ANK2: variants seen among roughly 807,000 people sequenced by gnomAD.
ANK2 encodes the protein ankyrin 2, also known as ankyrin-2.
A neutral mutation model predicts 360.5 loss-of-function variants in ANK2; 83 were observed. The ratio of observed to expected loss-of-function variants is 0.23; its 90% CI spans 0.19 to 0.28. The LOEUF (loss-of-function observed/expected upper bound fraction) is 0.28. Ranked by LOEUF, ANK2 falls within the 10% of genes least tolerant of loss-of-function variation. ANK2 has a pLI of 1.00. For synonymous variants in ANK2, 1,740 were observed against 1,759.5 expected (o/e 0.99, Z 0.28); for missense variants, 4,201 against 4,795.7 (o/e 0.88, Z 3.66).
intron 1 of ANK2, among the ~76,000 whole-genome samples, chr4:112,850,504 CTTTTTTTTTTTTT>C (rs60510554): frequency 1.0e-3 from 6 of 5,820 alleles, no homozygotes; most frequent in Non-Finnish European, 1.8e-3. Flanking sequence ...CTGTGCTAGT[CTTTTTTTTTTTTT>C]TTTTTTTTTT....
At chr4:112,874,458 T>A (rs1364899682) in intron 1 of ANK2, among the ~76,000 whole-genome samples, 1 of 150,302 alleles carries the variant, frequency 6.7e-6, no homozygotes, top group African/African-American at 2.4e-5. Context: ...CTGACCAACA[T>A]GGTGAAACCC....
chr4:112,878,691 T>C (rs1330693743), intron 1 of ANK2, among the ~76,000 whole-genome samples: 3 of 152,034 alleles, frequency 2.0e-5, no homozygotes, highest in Non-Finnish European at 4.4e-5. Flanking sequence ...TGGAGTGCAG[T>C]GGCGCGATCT....
intron 1 of ANK2, among the ~76,000 whole-genome samples, chr4:113,130,150 T>C (rs2095921706): frequency 6.6e-6 from 1 of 152,188 alleles, no homozygotes; most frequent in African/African-American, 2.4e-5. Context: ...ACTAACTTTG[T>C]CTTTTATTTA....
intron 2 of ANK2, among the ~76,000 whole-genome samples, chr4:112,977,239 T>C (rs903812693): frequency 8.5e-5 from 13 of 152,222 alleles, no homozygotes; most frequent in African/African-American, 3.1e-4. Context: ...GTTTTCTGTG[T>C]GGAAAAAATT....
At chr4:113,198,867 C>T (rs762111124) in intron 3 of ANK2, 144 bp from the exon 4 acceptor site, 10 of 665,088 alleles carry the variant, frequency 1.5e-5, no homozygotes, top group Non-Finnish European at 2.3e-5. Flanking sequence ...AAAAAATAAT[C>T]TCTTCGTAAG....
intron 1 of ANK2, among the ~76,000 whole-genome samples, chr4:112,840,409 G>A (rs1307463999): frequency 6.6e-6 from 1 of 152,134 alleles, no homozygotes; most frequent in Non-Finnish European, 1.5e-5. Context: ...CTCTGGAGGT[G>A]GCAGGCTGAA....
At chr4:112,840,386 G>A (rs2061839922) in intron 1 of ANK2, among the ~76,000 whole-genome samples, 1 of 152,156 alleles carries the variant, frequency 6.6e-6, no homozygotes, top group South Asian at 2.1e-4. Context: ...CAATTTGCCT[G>A]GCTTGAAGGT....
At chr4:112,877,900 C>T (rs535759504) in intron 1 of ANK2, among the ~76,000 whole-genome samples, 2 of 152,278 alleles carry the variant, frequency 1.3e-5, no homozygotes, top group East Asian at 1.9e-4. Context: ...TTTGCATTAA[C>T]CTAATCTTCC....
At chr4:113,262,876 G>A (rs2053748882) in intron 13 of ANK2, among the ~76,000 whole-genome samples, 1 of 151,802 alleles carries the variant, frequency 6.6e-6, no homozygotes, top group Admixed American at 6.6e-5. Context: ...CACCAATACA[G>A]AGGGACAACT....
chr4:113,046,653 A>G (rs112058583), upstream of ANK2, among the ~76,000 whole-genome samples: 485 of 152,178 alleles, frequency 3.2e-3, no homozygotes, highest in South Asian at 5.4e-3. Flanking sequence ...TGATCTTGGA[A>G]CTTCCCAGCC....
At chr4:113,336,917 A>G (rs1041415496) in intron 31 of ANK2, 136 bp downstream of exon 31, 63 of 865,786 alleles carry the variant, frequency 7.3e-5, no homozygotes, top group Non-Finnish European at 9.4e-6. Context: ...TTAATTAACT[A>G]GGGAAATGAA....
intron 2 of ANK2, among the ~76,000 whole-genome samples, chr4:113,008,109 CTTT>C (rs57567947): frequency 2.8e-5 from 4 of 143,956 alleles, no homozygotes; most frequent in Admixed American, 1.4e-4. Context: ...TAAGCTTTTC[CTTT>C]TTTTTTTTTT....
At chr4:112,853,949 G>A (rs944322698) in intron 1 of ANK2, among the ~76,000 whole-genome samples, 1 of 152,158 alleles carries the variant, frequency 6.6e-6, no homozygotes, top group Non-Finnish European at 1.5e-5. Flanking sequence ...CTACATGCTA[G>A]GAATAATGTT....
chr4:113,268,726 C>T (rs1382848709), intron 14 of ANK2, among the ~76,000 whole-genome samples: 1 of 152,148 alleles, frequency 6.6e-6, no homozygotes, highest in Non-Finnish European at 1.5e-5. Flanking sequence ...TGTTGTGTCT[C>T]TGCCAGGTTT....
intron 1 of ANK2, among the ~76,000 whole-genome samples, chr4:112,865,423 A>G (rs1214880599): frequency 6.6e-6 from 1 of 152,224 alleles, no homozygotes; most frequent in Non-Finnish European, 1.5e-5. Flanking sequence ...ATGTTTATTC[A>G]GGTTTTAAAG....
chr4:112,831,370 A>G (rs543726896), intron 1 of ANK2, among the ~76,000 whole-genome samples: 51 of 152,208 alleles, frequency 3.4e-4, no homozygotes, highest in Admixed American at 3.3e-4. Context: ...AAACGCACCA[A>G]TCAGTGCTCT....
At chr4:112,760,187 T>A in the ANK2 span, among the ~76,000 whole-genome samples, 1 of 117,200 alleles carries the variant, frequency 8.5e-6, no homozygotes, top group African/African-American at 3.6e-5. Flanking sequence ...AATTCCATAT[T>A]CTTTTTTTTT....
chr4:113,073,425 T>C (rs2078579717), intron 1 of ANK2, among the ~76,000 whole-genome samples: 1 of 152,144 alleles, frequency 6.6e-6, no homozygotes, highest in Admixed American at 6.5e-5. Context: ...AGAGAATAGA[T>C]GCACTGGGAT....
chr4:112,947,377 C>T (rs1354067848), intron 2 of ANK2, among the ~76,000 whole-genome samples: 1 of 152,092 alleles, frequency 6.6e-6, no homozygotes, highest in Non-Finnish European at 1.5e-5. Context: ...CCTATATTTC[C>T]ATAAGCTTAA....
Sources: allele counts gnomAD v4.1 joint callset (sites outside exome capture counted in the v4.1 genomes callset), GRCh38; gene constraint gnomAD v4.1.1; transcripts MANE v1.5; gene names NCBI Gene and HGNC (gene_info 2026-07-23, HGNC 2026-07-21).